Variants in FGD6 observed in about 807,000 individuals in gnomAD.
The protein encoded by FGD6 is FYVE, RhoGEF and PH domain containing 6.
Under a neutral mutation model 149.4 loss-of-function variants are expected in FGD6, and 90 were observed. The observed-to-expected ratio is 0.60, with a 90% CI of 0.51 to 0.72. The LOEUF (loss-of-function observed/expected upper bound fraction) is 0.72, where lower values mean the gene tolerates loss of function less well. Ranked by LOEUF, FGD6 falls within the 30% of genes least tolerant of loss-of-function variation. The pLI is 0.00. For synonymous variants in FGD6, 527 were observed against 584.0 expected (o/e 0.90, Z 1.41); for missense variants, 1,437 against 1,684.8 (o/e 0.85, Z 2.57).
intron 8 of FGD6, among the ~76,000 whole-genome samples, 199 bp from the exon 9 acceptor site, chr12:95,113,900 C>T (rs1592837658): frequency 6.6e-6 from 1 of 152,150 alleles, no homozygotes; most frequent in Admixed American, 6.5e-5. Context: ...CTAGAAAAAG[C>T]CTTGGAGGAA....
intron 3 of FGD6, among the ~76,000 whole-genome samples, chr12:95,170,727 G>C (rs1880967082): frequency 6.6e-6 from 1 of 152,224 alleles, no homozygotes; most frequent in Admixed American, 6.5e-5. Context: ...CTGGAACATA[G>C]TGCAAATTCT....
At chr12:95,199,379 T>C (rs1237664440) in intron 2 of FGD6, among the ~76,000 whole-genome samples, 1 of 152,006 alleles carries the variant, frequency 6.6e-6, no homozygotes, top group African/African-American at 2.4e-5. Flanking sequence ...TTCAAACCAC[T>C]TGATTACACA....
chr12:95,089,999 G>A (rs1181066488), intron 17 of FGD6, among the ~76,000 whole-genome samples: 1 of 151,940 alleles, frequency 6.6e-6, no homozygotes, highest in African/African-American at 2.4e-5. Context: ...CCCTACTGCC[G>A]TAAACCCCAA....
At position 95,217,321 on chromosome 12, in the gene FGD6, T is replaced by A. The variant is rs2056839666; in HGVS notation, c.-81A>T. On this transcript the variant is annotated 5_prime_UTR_variant, in exon 1 of 21. Coordinates refer to ENST00000343958, the MANE Select transcript of FGD6 (RefSeq NM_018351.4). ...CAGTCCATTGTTCCCACAGTTCGGG[T>A]AGGAGAGAAAAGCCCCCGCAGCGCC... is the stretch of plus-strand genomic sequence containing the variant. 2.7e-6 allele frequency: 4 copies of A among 1,505,536 alleles called. No individual in the cohort carries two copies. In the South Asian group the frequency reaches 5.0e-5, roughly 19 times the overall value. The allele number at this position is 1,505,536 out of a possible 1,614,324, so 93.3% of individuals were successfully genotyped here. A position where few individuals can be genotyped will look rare whatever the true frequency, so the allele number is the denominator to read the frequency against.
intron 7 of FGD6, among the ~76,000 whole-genome samples, chr12:95,135,622 T>C (rs76727196): frequency 0.019 from 2,872 of 152,214 alleles, 33 homozygotes; most frequent in Middle Eastern, 0.061. Flanking sequence ...CAAGTGAAAA[T>C]GTCCCTGCAT....
chr12:95,202,247 G>A (rs1023202224), intron 2 of FGD6, among the ~76,000 whole-genome samples: 6 of 151,662 alleles, frequency 4.0e-5, no homozygotes, highest in African/African-American at 1.2e-4. Flanking sequence ...AATTAGCTGG[G>A]CATAGTGGCA....
intron 18 of FGD6, among the ~76,000 whole-genome samples, chr12:95,086,536 C>A (rs10859827): frequency 6.6e-5 from 7 of 105,732 alleles, no homozygotes; most frequent in East Asian, 2.8e-4. Flanking sequence ...TTTTTTTTTT[C>A]TTTTTTTTTT....
chr12:95,083,213 CT>C (rs1201371730), intron 20 of FGD6, among the ~76,000 whole-genome samples: 1 of 150,948 alleles, frequency 6.6e-6, no homozygotes, highest in Non-Finnish European at 1.5e-5. Flanking sequence ...CATAGCAAGG[CT>C]TTTTTCCCAC....
chr12:95,209,337 G>A lies in FGD6; in HGVS notation c.1947C>T (p.Ser649=). 6.2e-7 allele frequency: 1 copy of A among 1,612,902 alleles called. No individual in the cohort carries two copies. The highest frequency in any genetic ancestry group is 8.5e-7 in the Non-Finnish European group (1 of 1,179,424). Residue 649 remains serine (S), a synonymous_variant, in exon 2 of 21, where the codon TCC becomes TCT. Transcript: ENST00000343958. ...FMKSDFQKFW[S]KSSQLGDTTT... ...TGGTGTCTCCGAGTTGGCTACTCTTGGACCAAAATTTTTGAAAGTCACTCT... is the reference window on the plus strand; with the variant it reads ...TGGTGTCTCCGAGTTGGCTACTCTTAGACCAAAATTTTTGAAAGTCACTCT...
chr12:95,180,447 G>A (rs1453190224), intron 2 of FGD6, among the ~76,000 whole-genome samples: 1 of 149,470 alleles, frequency 6.7e-6, no homozygotes, highest in Admixed American at 6.7e-5. Context: ...AGGTTAGAGT[G>A]CAGTGGTGTG....
intron 15 of FGD6, 63 bp from the exon 16 acceptor site, chr12:95,092,908 T>C: frequency 6.5e-7 from 1 of 1,537,230 alleles, no homozygotes; most frequent in Non-Finnish European, 8.8e-7. Context: ...TATTCGGCAG[T>C]GGCATCTCAC....
chr12:95,211,131 T>A lies in FGD6; in HGVS notation c.153A>T (p.Ala51=), dbSNP rs2056724534. 6.2e-7 allele frequency: 1 copy of A among 1,614,126 alleles called. No individual in the cohort carries two copies. The highest frequency in any genetic ancestry group is 1.3e-5 in the African/African-American group (1 of 74,946). ...VPQSTKKMKP[A]IAPKPKVLKT... Reference sequence around the variant, plus strand: ...TCAGGACTTTTGGTTTTGGGGCTATTGCTGGTTTCATTTTCTTTGTCGACT... The same window carrying A: ...TCAGGACTTTTGGTTTTGGGGCTATAGCTGGTTTCATTTTCTTTGTCGACT... The change falls in exon 2 of 21, where the codon GCA becomes GCT. Residue 51 remains alanine, a synonymous_variant. Transcript: ENST00000343958.
chr12:95,132,481 C>T (rs948222328), intron 8 of FGD6, among the ~76,000 whole-genome samples: 1 of 152,064 alleles, frequency 6.6e-6, no homozygotes, highest in South Asian at 2.1e-4. Context: ...GGCCGGGCAC[C>T]GTGGCTCATG....
At chr12:95,129,398 A>T (rs1879451523) in intron 8 of FGD6, among the ~76,000 whole-genome samples, 1 of 151,926 alleles carries the variant, frequency 6.6e-6, no homozygotes, top group African/African-American at 2.4e-5. Context: ...GGGGATTCTC[A>T]ATCTTATAAA....
At chr12:95,116,232 G>A (rs892376312) in intron 8 of FGD6, among the ~76,000 whole-genome samples, 3 of 152,004 alleles carry the variant, frequency 2.0e-5, no homozygotes, top group African/African-American at 7.3e-5. Flanking sequence ...CATTTCTATG[G>A]CTGACAGTTG....
Position 95,209,720 on chromosome 12 carries a change from T to A in FGD6, c.1564A>T (p.Ser522Cys). 1 of 1,614,120 alleles carries A rather than the reference T, an allele frequency of 6.2e-7. No individual in the cohort carries two copies. Among genetic ancestry groups the A allele is most frequent in the Non-Finnish European group, 8.5e-7 (1 of 1,180,018 alleles). ...TTTTCTTCACTTGAAGGATAAGAAC[T>A]TTTTTCCAAAAGCTCCTCGGAGGCA... ...KAASEELLEK[S>C]SYPSSEEKSS... Residue 522 changes from serine to cysteine, a missense_variant, in exon 2 of 21, where the codon AGT (serine) becomes TGT (cysteine). Transcript: ENST00000343958.
intron 2 of FGD6, among the ~76,000 whole-genome samples, chr12:95,197,922 T>C (rs984894820): frequency 2.0e-5 from 3 of 152,208 alleles, no homozygotes; most frequent in African/African-American, 7.2e-5. Flanking sequence ...TTTCCAACCT[T>C]TGAAACACCT....
At chr12:95,146,387 T>C (rs1880016604) in intron 5 of FGD6, among the ~76,000 whole-genome samples, 1 of 152,202 alleles carries the variant, frequency 6.6e-6, no homozygotes, top group African/African-American at 2.4e-5. Context: ...CAAAGCTATT[T>C]TGAGGCAGAA....
intron 20 of FGD6, among the ~76,000 whole-genome samples, chr12:95,082,278 G>A (rs1422802540): frequency 6.6e-6 from 1 of 151,956 alleles, no homozygotes; most frequent in African/African-American, 2.4e-5. Flanking sequence ...GAGTTTCCTT[G>A]TATATCCCCT....
Sources: gnomAD v4.1 joint callset for allele counts (sites outside exome capture counted in the v4.1 genomes callset) on GRCh38, gnomAD v4.1.1 for gene constraint, MANE v1.5 for transcripts, NCBI Gene and HGNC (gene_info 2026-07-23, HGNC 2026-07-21) for gene names.